The following ELF2 variants were observed in gnomAD, a reference collection of about 807,000 sequenced individuals.
ELF2 encodes ETS-related transcription factor Elf-2.
Under a neutral mutation model 54.8 loss-of-function variants are expected in ELF2, and 11 were observed. The ratio of observed to expected loss-of-function variants is 0.20; its 90% CI spans 0.13 to 0.33. ELF2 has a LOEUF of 0.33. Ranked by LOEUF, ELF2 falls within the 10% of genes least tolerant of loss-of-function variation. The probability of loss-of-function intolerance (pLI) is 1.00; values close to 1 mark genes in which losing one functional copy is unlikely to be tolerated. For synonymous variants in ELF2, 203 were observed against 245.1 expected (o/e 0.83, Z 1.61); for missense variants, 513 against 703.0 (o/e 0.73, Z 3.06).
chr4:139,084,205 T>C (rs779791602), intron 4 of ELF2: 1 of 1,612,980 alleles, frequency 6.2e-7, no homozygotes, highest in African/African-American at 1.3e-5. Flanking sequence ...ATCCCGGGGC[T>C]GGAGCTGCTG....
intron 4 of ELF2, among the ~76,000 whole-genome samples, chr4:139,087,991 T>C (rs1279861051): frequency 2.0e-5 from 3 of 152,144 alleles, no homozygotes; most frequent in African/African-American, 7.2e-5. Context: ...TTAGCGTGTT[T>C]ATGAAAAATT....
intron 1 of ELF2, among the ~76,000 whole-genome samples, chr4:139,172,841 G>C (rs1035769259): frequency 8.1e-6 from 1 of 124,032 alleles, no homozygotes; most frequent in Non-Finnish European, 1.6e-5. Context: ...TGAGATTTCA[G>C]GCATCCACTG....
In ELF2 at chr4:139,059,543, C is replaced by G; in HGVS notation, c.1222G>C (p.Val408Leu). ...CCTGCATTAACTGACTGAACTGCCACAGTTGAAATTTTCTGACCCAATGAT... is the reference window on the plus strand; with the variant it reads ...CCTGCATTAACTGACTGAACTGCCAGAGTTGAAATTTTCTGACCCAATGAT... ...MTSLGQKISTVAVQSVNAGAP... is the reference protein window; with the variant it reads ...MTSLGQKISTLAVQSVNAGAP... Residue 408 changes from valine to leucine, a missense_variant, in exon 10 of 10, where the codon GTG (valine) becomes CTG (leucine). Physicochemically the swap from Val to Leu is conservative, Grantham distance 32. Around this residue, in one of 3 missense-constraint regions of ELF2, gnomAD observed 291 missense variants for 366.1 expected, o/e 0.79. Transcript: ENST00000686138. 2.5e-6 allele frequency: 4 copies of G among 1,613,748 alleles called. No homozygotes were observed. The highest frequency in any genetic ancestry group is 3.4e-6 in the Non-Finnish European group (4 of 1,179,862).
At chr4:139,069,610 T>C (rs1187450583) in intron 6 of ELF2, among the ~76,000 whole-genome samples, 1 of 152,056 alleles carries the variant, frequency 6.6e-6, no homozygotes, top group Non-Finnish European at 1.5e-5. Flanking sequence ...AAATGGGTTC[T>C]ATAGTCATAT....
intron 4 of ELF2, chr4:139,084,450 C>T (rs1401410826): frequency 8.7e-7 from 1 of 1,147,252 alleles, no homozygotes; most frequent in Non-Finnish European, 1.1e-6. Flanking sequence ...GCGGCGGCGG[C>T]GGCGGCGGCG....
intron 8 of ELF2, 65 bp downstream of exon 8, chr4:139,061,800 C>T (rs1727900647): frequency 1.3e-6 from 2 of 1,540,122 alleles, no homozygotes; most frequent in Non-Finnish European, 1.8e-6. Context: ...TCTCTTTAAA[C>T]AGCTAATAGA....
Position 139,059,619 on chromosome 4 carries a change from G to A in ELF2, c.1158-12C>T, listed in dbSNP as rs755562617. The A allele has an allele frequency of 1.9e-6, 3 of 1,593,448 alleles. No homozygotes were observed. The East Asian group carries it at 6.7e-5, about 36-fold the overall frequency. ...CCACACGAACTGTCCTAGTACATTAGAAAGAAAAAAGCTGATTATATTTAA... is the reference window on the plus strand; with the variant it reads ...CCACACGAACTGTCCTAGTACATTAAAAAGAAAAAAGCTGATTATATTTAA... On this transcript the variant is annotated splice_polypyrimidine_tract_variant and intron_variant, in intron 9 of 9. Transcript: ENST00000686138.
At chr4:139,128,276 T>A (rs1737136022) in intron 3 of ELF2, among the ~76,000 whole-genome samples, 1 of 149,788 alleles carries the variant, frequency 6.7e-6, no homozygotes, top group Non-Finnish European at 1.5e-5. Flanking sequence ...TCTCAAAAAT[T>A]AAAAAAAAAA....
chr4:139,138,415 C>CAAA lies in ELF2; in HGVS notation c.-166-551_-166-549dup, dbSNP rs576340729. On this transcript the variant is annotated intron_variant, in intron 2 of 9. Transcript: ENST00000686138. ...CTGGCGACAGAGTGAGATTCCACCT[C>CAAA]AAAAAAAAAAAAAAGTTATAACTTT... Among the ~76,000 whole-genome samples the CAAA allele has an allele frequency of 8.9e-3, 1,111 of 125,514 alleles. 16 individuals are homozygous for CAAA. Among genetic ancestry groups the CAAA allele is most frequent in the African/African-American group, 0.031 (1,059 of 33,906 alleles). 82.3% of individuals were successfully genotyped at this position (125,514 alleles called of 152,430 possible). A position where few individuals can be genotyped will look rare whatever the true frequency, so the allele number is the denominator to read the frequency against.
At chr4:139,083,704 A>G (rs2148732935) in intron 4 of ELF2, among the ~76,000 whole-genome samples, 1 of 152,334 alleles carries the variant, frequency 6.6e-6, no homozygotes, top group South Asian at 2.1e-4. Flanking sequence ...GAACGCGGGC[A>G]GCAGCGGCCT....
intron 4 of ELF2, among the ~76,000 whole-genome samples, chr4:139,088,604 T>C (rs1258504458): frequency 6.6e-6 from 1 of 152,150 alleles, no homozygotes; most frequent in Admixed American, 6.5e-5. Flanking sequence ...TCTTTTCAGT[T>C]GTCTTCACCC....
Position 139,115,126 on chromosome 4 carries a change from T to C in ELF2, c.238+10038A>G, listed in dbSNP as rs952703119. ...TGGGATCTCCTCTTCCTGGCAGTCG[T>C]AGAGGCGCGTGAGCTGCTCCAGGAT... On this transcript the variant is annotated intron_variant, in intron 4 of 9. Coordinates refer to ENST00000686138, the MANE Select transcript of ELF2 (RefSeq NM_001331036.3). The C allele has an allele frequency of 7.4e-6, 12 of 1,613,554 alleles. No homozygotes were observed. In the African/African-American group the frequency reaches 1.1e-4, roughly 14 times the overall value.
intron 4 of ELF2, among the ~76,000 whole-genome samples, chr4:139,124,542 A>G (rs933926702): frequency 6.6e-6 from 1 of 152,228 alleles, no homozygotes; most frequent in Admixed American, 6.5e-5. Context: ...AGTCACTACA[A>G]TCCTTCTGAT....
At chr4:139,096,808 T>G (rs1733339449) in intron 4 of ELF2, among the ~76,000 whole-genome samples, 1 of 152,016 alleles carries the variant, frequency 6.6e-6, no homozygotes, top group African/African-American at 2.4e-5. Context: ...TCACAGGTTT[T>G]TAAATTCCTT....
chr4:139,070,428 C>T (rs1372754673), intron 6 of ELF2, among the ~76,000 whole-genome samples: 1 of 151,950 alleles, frequency 6.6e-6, no homozygotes, highest in African/African-American at 2.4e-5. Flanking sequence ...AAAGCTGGGA[C>T]TACAGGCATG....
rs186997164 is a variant in ELF2 at position 139,063,851 on chromosome 4, C to A, written c.614-1794G>T. 3.1e-3 allele frequency among the ~76,000 whole-genome samples: 471 copies of A among 150,232 alleles called. 1 individual carries two copies. The highest frequency in any genetic ancestry group is 0.011 in the African/African-American group (435 of 40,918). Reference sequence around the variant, plus strand: ...ATAAAAGAACAAAAAGGAATCTGGGCAAGTAAAAAAAAAAAACTTAATCCC... The same window carrying A: ...ATAAAAGAACAAAAAGGAATCTGGGAAAGTAAAAAAAAAAAACTTAATCCC... On this transcript the variant is annotated intron_variant, in intron 7 of 9. Transcript: ENST00000686138.
At chr4:139,077,012 C>G (rs989355999) in intron 4 of ELF2, among the ~76,000 whole-genome samples, 2 of 152,104 alleles carry the variant, frequency 1.3e-5, no homozygotes, top group African/African-American at 4.8e-5. Context: ...GCCAGAAGAT[C>G]TAATACTCTA....
chr4:139,067,817 A>G (rs1307370623), intron 6 of ELF2, 47 bp from the exon 7 acceptor site: 1 of 1,517,914 alleles, frequency 6.6e-7, no homozygotes, highest in South Asian at 1.3e-5. Context: ...CAAGAAAAAT[A>G]TGAGAGGCAC....
chr4:139,141,701 G>A (rs1738716630), intron 1 of ELF2, among the ~76,000 whole-genome samples: 1 of 152,156 alleles, frequency 6.6e-6, no homozygotes, highest in African/African-American at 2.4e-5. Context: ...TTAAAGCACA[G>A]GTCTTTTGTT....
Sources: gnomAD v4.1 joint callset for allele counts (sites outside exome capture counted in the v4.1 genomes callset) on GRCh38, gnomAD v4.1.1 for gene constraint, gnomAD v4.1.1 regional missense constraint, MANE v1.5 for transcripts, NCBI Gene and HGNC (gene_info 2026-07-23, HGNC 2026-07-21) for gene names.